MTREX: variants seen among roughly 807,000 people sequenced by gnomAD.
The protein encoded by MTREX is exosome RNA helicase MTR4.
A neutral mutation model predicts 135.4 loss-of-function variants in MTREX; 76 were observed. The ratio of observed to expected loss-of-function variants is 0.56; its 90% CI spans 0.47 to 0.68. The LOEUF (loss-of-function observed/expected upper bound fraction) is 0.68, where lower values mean the gene tolerates loss of function less well. Among genes scored for constraint, MTREX ranks in the 30% least tolerant of loss-of-function variants. The pLI is 0.00. For synonymous variants in MTREX, 404 were observed against 401.6 expected (o/e 1.01, Z -0.07); for missense variants, 920 against 1,262.1 (o/e 0.73, Z 4.11).
At chr5:55,323,889 A>G (rs1749327718) in intron 2 of MTREX, among the ~76,000 whole-genome samples, 1 of 152,212 alleles carries the variant, frequency 6.6e-6, no homozygotes, top group Non-Finnish European at 1.5e-5. Context: ...AATTATTTGA[A>G]TAATCACTCG....
intron 15 of MTREX, among the ~76,000 whole-genome samples, chr5:55,361,718 A>G (rs1375832607): frequency 6.7e-6 from 1 of 150,346 alleles, no homozygotes; most frequent in Non-Finnish European, 1.5e-5. Context: ...TCGGCCCCCC[A>G]GAGTGCTGGG....
intron 1 of MTREX, among the ~76,000 whole-genome samples, chr5:55,313,348 G>A (rs1468879814): frequency 6.6e-6 from 1 of 152,046 alleles, no homozygotes; most frequent in Non-Finnish European, 1.5e-5. Flanking sequence ...GCTGAGGTTG[G>A]AGGATTGCTT....
At chr5:55,327,919 A>G in intron 4 of MTREX, 141 bp downstream of exon 4, 1 of 576,008 alleles carries the variant, frequency 1.7e-6, no homozygotes, top group Non-Finnish European at 3.1e-6. Context: ...GACAAATATA[A>G]TGAGAACTGA....
chr5:55,394,216 T>C (rs1000245576), intron 19 of MTREX, among the ~76,000 whole-genome samples: 2 of 152,256 alleles, frequency 1.3e-5, no homozygotes, highest in African/African-American at 4.8e-5. Flanking sequence ...TTTTTAGATG[T>C]AGTTAAGTGC....
rs144895148 is a variant in MTREX, at chr5:55,359,897, A to G, written c.1659+1199A>G. Among the ~76,000 whole-genome samples, 518 of 152,256 alleles carry G rather than the reference A, an allele frequency of 3.4e-3. 3 individuals are homozygous for G. The highest frequency in any genetic ancestry group is 5.6e-3 in the Non-Finnish European group (379 of 67,988). ...TGTTACTTTGTAAGTGTAAAGTTCTATCACCTTTCATTGCATTTTTAAAAT... is the reference window on the plus strand; with the variant it reads ...TGTTACTTTGTAAGTGTAAAGTTCTGTCACCTTTCATTGCATTTTTAAAAT... On this transcript the variant is annotated intron_variant, in intron 15 of 26. Transcript: ENST00000230640.
At chr5:55,422,036 A>G (rs930646580) in intron 25 of MTREX, among the ~76,000 whole-genome samples, 1 of 152,204 alleles carries the variant, frequency 6.6e-6, no homozygotes, top group Non-Finnish European at 1.5e-5. Flanking sequence ...TATTAATTTA[A>G]TAATTGTTAA....
chr5:55,381,625 T>C (rs1473451243), intron 18 of MTREX, among the ~76,000 whole-genome samples: 1 of 152,242 alleles, frequency 6.6e-6, no homozygotes, highest in African/African-American at 2.4e-5. Context: ...TGGAATTCTT[T>C]CAGTAGTTTT....
Position 55,343,320 on chromosome 5 carries a change from A to C in MTREX, c.782-11A>C. 1 of 1,600,658 alleles carries C rather than the reference A, an allele frequency of 6.2e-7. No individual in the cohort carries two copies. The highest frequency in any genetic ancestry group is 8.5e-7 in the Non-Finnish European group (1 of 1,173,698). Reference sequence around the variant, plus strand: ...CAACTATAGTCCAAAGTATATATTTATTTTTTTCAGAACGTGGTGTAGTAT... The same window carrying C: ...CAACTATAGTCCAAAGTATATATTTCTTTTTTTCAGAACGTGGTGTAGTAT... On this transcript the variant is annotated splice_polypyrimidine_tract_variant and intron_variant, in intron 7 of 26. Coordinates refer to ENST00000230640, the MANE Select transcript of MTREX (RefSeq NM_015360.5).
chr5:55,364,505 C>T (rs1750065220), intron 15 of MTREX, among the ~76,000 whole-genome samples: 2 of 152,154 alleles, frequency 1.3e-5, no homozygotes, highest in Admixed American at 6.5e-5. Context: ...TCAGTACCTA[C>T]AGGGACTTTA....
At chr5:55,313,964 G>A (rs779627769) in intron 1 of MTREX, among the ~76,000 whole-genome samples, 6 of 151,616 alleles carry the variant, frequency 4.0e-5, no homozygotes, top group South Asian at 2.1e-4. Flanking sequence ...AGAGATCATC[G>A]TATATCAATA....
chr5:55,365,220 T>C (rs1750082510), intron 15 of MTREX, among the ~76,000 whole-genome samples: 2 of 152,126 alleles, frequency 1.3e-5, no homozygotes, highest in Non-Finnish European at 2.9e-5. Flanking sequence ...CTGCAAACAA[T>C]GTGTTTGCAA....
At chr5:55,361,805 C>G (rs1750015470) in intron 15 of MTREX, among the ~76,000 whole-genome samples, 1 of 151,276 alleles carries the variant, frequency 6.6e-6, no homozygotes, top group Non-Finnish European at 1.5e-5. Context: ...GTTGCCCAGG[C>G]TGATCTCGAT....
chr5:55,372,771 A>G (rs1284700721), intron 16 of MTREX, among the ~76,000 whole-genome samples: 4 of 152,180 alleles, frequency 2.6e-5, no homozygotes, highest in Admixed American at 6.6e-5. Context: ...AAACTCAGGA[A>G]AAAACATAGG....
intron 3 of MTREX, among the ~76,000 whole-genome samples, chr5:55,325,946 A>G (rs1465989388): frequency 6.6e-6 from 1 of 152,224 alleles, no homozygotes; most frequent in Non-Finnish European, 1.5e-5. Context: ...TGCAAAGGAC[A>G]TGATTTCTAG....
intron 16 of MTREX, among the ~76,000 whole-genome samples, chr5:55,374,689 C>T (rs1750264986): frequency 6.6e-6 from 1 of 152,130 alleles, no homozygotes. Flanking sequence ...GCTACAACTA[C>T]AAATGCTAAA....
intron 1 of MTREX, among the ~76,000 whole-genome samples, 181 bp from the exon 2 acceptor site, chr5:55,322,146 A>G (rs1445995636): frequency 6.6e-6 from 1 of 152,214 alleles, no homozygotes; most frequent in African/African-American, 2.4e-5. Flanking sequence ...AAATGCAGTA[A>G]AGTATTCAGT....
chr5:55,356,187 A>G (rs1360194404), intron 14 of MTREX: 1 of 152,816 alleles, frequency 6.5e-6, no homozygotes, highest in African/African-American at 2.4e-5. Flanking sequence ...GGGACCAGAC[A>G]TTCTTCACCT....
chr5:55,388,160 A>C, intron 19 of MTREX, 58 bp downstream of exon 19: 3 of 1,483,342 alleles, frequency 2.0e-6, no homozygotes, highest in Non-Finnish European at 2.7e-6. Context: ...ATTTGTCATC[A>C]CCAAAGTTCT....
chr5:55,414,096 A>T, intron 23 of MTREX, 86 bp from the exon 24 acceptor site: 1 of 913,670 alleles, frequency 1.1e-6, no homozygotes, highest in Non-Finnish European at 1.6e-6. Flanking sequence ...CTATCTTACA[A>T]GCTTTAATTT....
Sources: gnomAD v4.1 joint callset for allele counts (sites outside exome capture counted in the v4.1 genomes callset) on GRCh38, gnomAD v4.1.1 for gene constraint, MANE v1.5 for transcripts, NCBI Gene and HGNC (gene_info 2026-07-23, HGNC 2026-07-21) for gene names.